Variants in SLC27A2 observed in about 807,000 individuals in gnomAD.
The protein encoded by SLC27A2 is solute carrier family 27 member 2.
Under a neutral mutation model 60.0 loss-of-function variants are expected in SLC27A2, and 54 were observed. The ratio of observed to expected loss-of-function variants is 0.90; its 90% CI spans 0.72 to 1.13. The LOEUF (loss-of-function observed/expected upper bound fraction) is 1.13, where lower values mean the gene tolerates loss of function less well. Among genes scored for constraint, SLC27A2 ranks in the 50% most tolerant of loss-of-function variants. The pLI, the probability that SLC27A2 is intolerant of heterozygous loss-of-function variation, is 0.00. For synonymous variants in SLC27A2, 297 were observed against 297.6 expected (o/e 1.00, Z 0.02); for missense variants, 739 against 777.6 (o/e 0.95, Z 0.59).
Position 50,184,599 on chromosome 15 carries a change from G to C in SLC27A2, c.478+1694G>C, listed in dbSNP as rs2044904032. 3.3e-5 allele frequency among the ~76,000 whole-genome samples: 5 copies of C among 152,062 alleles called. No individual in the cohort carries two copies. In the South Asian group the frequency reaches 1.0e-3, roughly 32 times the overall value. On this transcript the variant is annotated intron_variant, in intron 1 of 9. Transcript: ENST00000267842. The stretch of plus-strand genomic sequence containing the variant: ...GCCTGTAATCCCAGCACTTTGGGAG[G>C]CCGAGGCAGGTGGATCACTTGAGGT...
chr15:50,194,870 A>G (rs2045001351), intron 1 of SLC27A2, among the ~76,000 whole-genome samples: 1 of 152,232 alleles, frequency 6.6e-6, no homozygotes, highest in African/African-American at 2.4e-5. Context: ...CAAGAAAGTA[A>G]GTACAATTAT....
At position 50,205,321 on chromosome 15, in the gene SLC27A2, G is replaced by T. The variant is rs368796882; in HGVS notation, c.930G>T (p.Gln310His). 8.4e-5 allele frequency: 136 copies of T among 1,609,896 alleles called. 1 individual carries two copies. Among genetic ancestry groups the T allele is most frequent in the Non-Finnish European group, 1.1e-4 (125 of 1,177,496 alleles). ...DCRKYNVTVI[Q>H]YIGELLRYLC... Reference sequence around the variant, plus strand: ...GAAAATACAACGTCACTGTCATTCAGTATATCGGTGAACTGCTTCGGTATT... The same window carrying T: ...GAAAATACAACGTCACTGTCATTCATTATATCGGTGAACTGCTTCGGTATT... The change falls in exon 4 of 10, where the codon CAG becomes CAT. Residue 310 changes from glutamine to histidine, a missense_variant. Physicochemically the swap from Gln to His is conservative, Grantham distance 24. Transcript: ENST00000267842.
chr15:50,230,534 C>G (rs1397747717), intron 8 of SLC27A2, among the ~76,000 whole-genome samples: 1 of 152,148 alleles, frequency 6.6e-6, no homozygotes. Flanking sequence ...CAGAGTGAGG[C>G]TCCATCTCAA....
At chr15:50,196,066 AAAAAAAAAAAAATATATATATATATAT>A (rs2045015412) in intron 1 of SLC27A2, among the ~76,000 whole-genome samples, 1 of 23,772 alleles carries the variant, frequency 4.2e-5, no homozygotes, top group African/African-American at 1.3e-4. Flanking sequence ...AAAAAAAAAA[AAAAAAAAAAAAATATATATATATATAT>A]ATATATATAT....
At chr15:50,191,889 A>G (rs1481531577) in intron 1 of SLC27A2, among the ~76,000 whole-genome samples, 4 of 152,022 alleles carry the variant, frequency 2.6e-5, no homozygotes, top group Admixed American at 6.6e-5. Context: ...GTGAAACCCC[A>G]TCTCTACTAA....
At chr15:50,216,676 A>T (rs2045199740) in intron 4 of SLC27A2, among the ~76,000 whole-genome samples, 2 of 133,252 alleles carry the variant, frequency 1.5e-5, no homozygotes, top group African/African-American at 5.5e-5. Flanking sequence ...GAAGTGAGGT[A>T]ATGTAATGCC....
At chr15:50,194,748 GGT>G (rs2045000514) in intron 1 of SLC27A2, among the ~76,000 whole-genome samples, 1 of 152,158 alleles carries the variant, frequency 6.6e-6, no homozygotes, top group East Asian at 1.9e-4. Context: ...TCATATTTAT[GGT>G]AACCTTTCTG....
intron 1 of SLC27A2, 103 bp from the exon 2 acceptor site, chr15:50,197,397 C>A: frequency 2.3e-6 from 2 of 854,298 alleles, no homozygotes; most frequent in Non-Finnish European, 3.6e-6. Context: ...CACATTTAAG[C>A]AAAAAATTAT....
In SLC27A2 at chr15:50,236,295, A is replaced by C. The variant is rs2045352242; in HGVS notation, c.*199A>C. ...TAGAGATTATTATTTTTCAGTGTGC[A>C]CCTACTGTTTGTATTTGCAAACTGA... On this transcript the variant is annotated 3_prime_UTR_variant, in exon 10 of 10. Coordinates refer to ENST00000267842, the MANE Select transcript of SLC27A2 (RefSeq NM_003645.4). 1 of 436,628 alleles carries C rather than the reference A, an allele frequency of 2.3e-6. No homozygotes were observed. Among genetic ancestry groups the C allele is most frequent in the East Asian group, 3.5e-5 (1 of 28,456 alleles). 27.0% of individuals were successfully genotyped at this position (436,628 alleles called of 1,614,324 possible). A position where few individuals can be genotyped will look rare whatever the true frequency, so the allele number is the denominator to read the frequency against.
chr15:50,205,996 C>G (rs1372549989), intron 4 of SLC27A2, among the ~76,000 whole-genome samples: 1 of 152,212 alleles, frequency 6.6e-6, no homozygotes, highest in African/African-American at 2.4e-5. Context: ...GGCCTTGGAT[C>G]TGCCCTGTTT....
chr15:50,227,510 C>A (rs1023006599), intron 7 of SLC27A2, among the ~76,000 whole-genome samples: 4 of 152,182 alleles, frequency 2.6e-5, no homozygotes, highest in Non-Finnish European at 4.4e-5. Context: ...CCTTTCCAAT[C>A]ATGGAGGTGT....
intron 4 of SLC27A2, among the ~76,000 whole-genome samples, chr15:50,212,402 T>C (rs2045164682): frequency 6.6e-6 from 1 of 152,218 alleles, no homozygotes; most frequent in Non-Finnish European, 1.5e-5. Context: ...CTTCCAAGCC[T>C]TGCTAGACCT....
At chr15:50,186,345 C>G (rs1394042253) in intron 1 of SLC27A2, among the ~76,000 whole-genome samples, 2 of 152,302 alleles carry the variant, frequency 1.3e-5, no homozygotes, top group South Asian at 2.1e-4. Flanking sequence ...AACCCCACCG[C>G]CAACCCTAGG....
Position 50,228,934 on chromosome 15 carries a change from C to T in SLC27A2, c.1458-11C>T. 6.2e-7 allele frequency: 1 copy of T among 1,603,982 alleles called. No homozygotes were observed. Among genetic ancestry groups the T allele is most frequent in the Middle Eastern group, 1.7e-4 (1 of 6,042 alleles). ...ACCAGTGACCTCTGCTAACTTTGTC[C>T]TTTCTTCCAGGTGGAAAGGGGAAAA... On this transcript the variant is annotated splice_polypyrimidine_tract_variant and intron_variant, in intron 7 of 9. Transcript: ENST00000267842.
chr15:50,223,865 G>A (rs1267318909), intron 5 of SLC27A2, among the ~76,000 whole-genome samples: 1 of 152,104 alleles, frequency 6.6e-6, no homozygotes, highest in Admixed American at 6.5e-5. Flanking sequence ...TGTGCCTCTG[G>A]GCAGCTCATC....
chr15:50,204,485 G>T (rs891596489), intron 3 of SLC27A2, among the ~76,000 whole-genome samples: 1 of 151,812 alleles, frequency 6.6e-6, no homozygotes, highest in African/African-American at 2.4e-5. Flanking sequence ...TGTAATCTCA[G>T]CACTTTGGGA....
intron 4 of SLC27A2, among the ~76,000 whole-genome samples, chr15:50,218,105 A>G (rs1395694410): frequency 6.6e-6 from 1 of 150,930 alleles, no homozygotes; most frequent in Non-Finnish European, 1.5e-5. Flanking sequence ...AATGTTTTTA[A>G]TGTATCATTA....
intron 4 of SLC27A2, among the ~76,000 whole-genome samples, chr15:50,212,154 C>T (rs574322344): frequency 7.8e-4 from 117 of 150,610 alleles, no homozygotes; most frequent in South Asian, 8.4e-4. Context: ...ATGCTAAATG[C>T]TCTGGAAAGT....
intron 1 of SLC27A2, among the ~76,000 whole-genome samples, chr15:50,183,992 A>ATTTTTTT (rs1595677867): frequency 4.2e-5 from 1 of 23,936 alleles, no homozygotes; most frequent in Non-Finnish European, 1.1e-4. Context: ...TCTTTCCTAC[A>ATTTTTTT]TCTTTTTTTT....
Sources: allele counts gnomAD v4.1 joint callset (sites outside exome capture counted in the v4.1 genomes callset), GRCh38; gene constraint gnomAD v4.1.1; transcripts MANE v1.5; gene names NCBI Gene and HGNC (gene_info 2026-07-23, HGNC 2026-07-21).